Variants in NDE1 observed in about 807,000 individuals in gnomAD.
The protein encoded by NDE1 is nuclear distribution protein nudE homolog 1.
A neutral mutation model predicts 43.4 loss-of-function variants in NDE1; 28 were observed. That is an observed-to-expected ratio of 0.65 (90% CI 0.48 to 0.89). The LOEUF (loss-of-function observed/expected upper bound fraction) is 0.89. Among genes scored for constraint, NDE1 ranks in the 40% least tolerant of loss-of-function variants. The pLI is 0.00. For missense variants in NDE1, 441 were observed against 434.1 expected, an observed-to-expected ratio of 1.02 and a Z score of -0.14; for synonymous variants, 184 against 172.0, an observed-to-expected ratio of 1.07 and a Z score of -0.55.
intron 5 of NDE1, among the ~76,000 whole-genome samples, chr16:15,687,801 G>A (rs1162147456): frequency 6.6e-6 from 1 of 152,218 alleles, no homozygotes; most frequent in Non-Finnish European, 1.5e-5. Flanking sequence ...CTGCCTCTGG[G>A]CAGCAGAATT....
At chr16:15,723,284 C>T (rs905612643) in intron 8 of NDE1, among the ~76,000 whole-genome samples, 2 of 152,104 alleles carry the variant, frequency 1.3e-5, no homozygotes, top group Non-Finnish European at 2.9e-5. Context: ...GGGAAATGTA[C>T]TGACATCTGT....
chr16:15,710,092 C>T (rs941041981), intron 8 of NDE1, among the ~76,000 whole-genome samples: 12 of 152,218 alleles, frequency 7.9e-5, no homozygotes, highest in African/African-American at 1.7e-4. Flanking sequence ...GCAGGACAGA[C>T]CTTCCACCTG....
chr16:15,651,124 A>G (rs561523318), intron 1 of NDE1, among the ~76,000 whole-genome samples: 1 of 152,308 alleles, frequency 6.6e-6, no homozygotes. Context: ...TCTCCGAGCC[A>G]TCTCAGGCTT....
chr16:15,714,746 T>C (rs2040020546), intron 8 of NDE1: 2 of 908,440 alleles, frequency 2.2e-6, no homozygotes, highest in Non-Finnish European at 3.5e-6. Context: ...TCTCAGTGCC[T>C]GGCCCACACT....
intron 4 of NDE1, chr16:15,686,637 C>A (rs1001633386): frequency 5.5e-6 from 4 of 732,290 alleles, no homozygotes; most frequent in Non-Finnish European, 6.7e-6. Context: ...GTGATTGTAC[C>A]ACTGCACTTC....
Position 15,724,779 on chromosome 16 carries a change from G to C in NDE1, c.*528G>C, listed in dbSNP as rs1467215674. On this transcript the variant is annotated 3_prime_UTR_variant, in exon 9 of 9. Coordinates refer to ENST00000396354, the MANE Select transcript of NDE1 (RefSeq NM_017668.3). ...TCGTAGACACGTTGAGCTTCTGCCG[G>C]GTTTCTTCTTGAAGCAGCTCCTGCA... 6.2e-7 allele frequency: 1 copy of C among 1,614,008 alleles called. No homozygotes were observed. The highest frequency in any genetic ancestry group is 1.1e-5 in the South Asian group (1 of 91,082).
rs139418145 is a variant in NDE1, at chr16:15,715,196, C to T, written c.948-8995C>T. On this transcript the variant is annotated intron_variant, in intron 8 of 8. Transcript: ENST00000396354. Reference sequence around the variant, plus strand: ...TTGTACTGCTCGGCCATCTTGCGCTCGTCCTCCACCTGCAGCAAGATTTCC... The same window carrying T: ...TTGTACTGCTCGGCCATCTTGCGCTTGTCCTCCACCTGCAGCAAGATTTCC... 1.2e-5 allele frequency: 20 copies of T among 1,613,896 alleles called. No homozygotes were observed. The highest frequency in any genetic ancestry group is 1.1e-4 in the African/African-American group (8 of 74,918).
At chr16:15,709,030 C>T (rs754546142) in intron 8 of NDE1, among the ~76,000 whole-genome samples, 5 of 152,042 alleles carry the variant, frequency 3.3e-5, no homozygotes, top group Non-Finnish European at 5.9e-5. Context: ...GCAACCTCTA[C>T]GTCCTGGATT....
rs557233890 is a variant in NDE1 at position 15,692,332 on chromosome 16, C to G, written c.703+1009C>G. Among the ~76,000 whole-genome samples, 144 of 152,282 alleles carry G rather than the reference C, an allele frequency of 9.5e-4. 1 individual carries two copies. Among genetic ancestry groups the G allele is most frequent in the Non-Finnish European group, 1.8e-3 (121 of 68,034 alleles). On this transcript the variant is annotated intron_variant, in intron 6 of 8. Transcript: ENST00000396354. ...AGGCAGGCTCCAGGGCTTACCCTAC[C>G]ATCTACTACCTTATCCCTTAGCTTG...
chr16:15,704,186 T>C, intron 8 of NDE1: 1 of 1,595,084 alleles, frequency 6.3e-7, no homozygotes, highest in Non-Finnish European at 8.6e-7. Flanking sequence ...ATAGATTTTT[T>C]ATAAATCTAT....
At chr16:15,712,882 G>GTTTTTTTTTTTGTTT (rs2039889791) in intron 8 of NDE1, 2 of 90,636 alleles carry the variant, frequency 2.2e-5, no homozygotes, top group Non-Finnish European at 4.5e-5. Flanking sequence ...TTCACATACA[G>GTTTTTTTTTTTGTTT]TTTTTTTTTT....
At chr16:15,674,679 TG>T (rs1310525937) in intron 3 of NDE1, among the ~76,000 whole-genome samples, 3 of 152,178 alleles carry the variant, frequency 2.0e-5, no homozygotes, top group African/African-American at 7.2e-5. Flanking sequence ...CCCATTGTTG[TG>T]GGCACAAACA....
chr16:15,678,986 G>T (rs1034442621), intron 4 of NDE1, among the ~76,000 whole-genome samples: 1 of 152,052 alleles, frequency 6.6e-6, no homozygotes, highest in Non-Finnish European at 1.5e-5. Context: ...TGAGGCAGGA[G>T]AATGATGTGA....
At chr16:15,686,945 C>T in intron 4 of NDE1, 1 of 982,070 alleles carries the variant, frequency 1.0e-6, no homozygotes, top group South Asian at 4.7e-5. Flanking sequence ...CTTCCACCTG[C>T]CTCGGCCTCC....
chr16:15,700,834 A>G (rs1170528125), intron 8 of NDE1, among the ~76,000 whole-genome samples: 2 of 152,092 alleles, frequency 1.3e-5, no homozygotes, highest in African/African-American at 4.8e-5. Flanking sequence ...TCTTCCCCCC[A>G]ACTCCCAACC....
rs1228996141 is a variant in NDE1, at chr16:15,664,848, A to T, written c.70A>T (p.Thr24Ser). ...EANYWKDLAMTYKQRAENTQE... is the reference protein window; with the variant it reads ...EANYWKDLAMSYKQRAENTQE... ...TAACTATTGGAAAGATCTGGCGATG[A>T]CCTACAAACAGAGGTCAGTCCGAGT... Residue 24 changes from threonine (T) to serine (S), a missense_variant, in exon 2 of 9, where the codon ACC becomes TCC. By Grantham distance (58) the Thr-to-Ser change is moderately conservative (BLOSUM62 1). Coordinates refer to ENST00000396354, the MANE Select transcript of NDE1 (RefSeq NM_017668.3). 6.2e-7 allele frequency: 1 copy of T among 1,611,112 alleles called. No homozygotes were observed. Among genetic ancestry groups the T allele is most frequent in the African/African-American group, 1.3e-5 (1 of 74,464 alleles).
intron 8 of NDE1, among the ~76,000 whole-genome samples, chr16:15,709,365 C>T (rs994013548): frequency 6.6e-6 from 1 of 151,392 alleles, no homozygotes; most frequent in Non-Finnish European, 1.5e-5. Flanking sequence ...GGATGGAGTG[C>T]ACTGGCATGA....
chr16:15,694,923 G>C lies in NDE1; in HGVS notation c.795+667G>C, dbSNP rs182127176. On this transcript the variant is annotated intron_variant, in intron 7 of 8. Coordinates refer to ENST00000396354, the MANE Select transcript of NDE1 (RefSeq NM_017668.3). ...CCGGGTGCTCATACCTGTAATCCCA[G>C]TGCTTTGGGAGGCCAAGGTGGGAGA... 574 of 983,904 alleles carry C rather than the reference G, an allele frequency of 5.8e-4. 1 individual carries two copies. Among genetic ancestry groups the C allele is most frequent in the Middle Eastern group, 2.1e-3 (4 of 1,910 alleles). The allele number at this position is 983,904 out of a possible 1,614,324, so 60.9% of individuals were successfully genotyped here. A position where few individuals can be genotyped will look rare whatever the true frequency, so the allele number is the denominator to read the frequency against.
rs139158226 is a variant in NDE1, at chr16:15,694,757, G to A, written c.795+501G>A. On this transcript the variant is annotated intron_variant, in intron 7 of 8. Transcript: ENST00000396354. ...TGCCAGACACTCAGAGCTCTGACTC[G>A]AAGCCCTGCTCTGAACCCTATGTAT... 212 of 985,366 alleles carry A rather than the reference G, an allele frequency of 2.2e-4. No homozygotes were observed. In the African/African-American group the frequency reaches 3.2e-3, roughly 15 times the overall value. 61.0% of individuals were successfully genotyped at this position (985,366 alleles called of 1,614,324 possible).
Sources: gnomAD v4.1 joint callset for allele counts (sites outside exome capture counted in the v4.1 genomes callset) on GRCh38, gnomAD v4.1.1 for gene constraint, MANE v1.5 for transcripts, NCBI Gene and HGNC (gene_info 2026-07-23, HGNC 2026-07-21) for gene names.